Variants in CRACDL observed in about 807,000 individuals in gnomAD.
The protein encoded by CRACDL is CRACD-like protein.
In CRACDL, 26 loss-of-function variants were observed where a neutral mutation model predicts 70.6. The observed-to-expected ratio is 0.37, with a 90% CI of 0.27 to 0.51. The LOEUF is 0.51. Among genes scored for constraint, CRACDL ranks in the 20% least tolerant of loss-of-function variants. The pLI is 0.94. For synonymous variants in CRACDL, 618 were observed against 615.2 expected (o/e 1.00, Z -0.07); for missense variants, 1,283 against 1,376.9 (o/e 0.93, Z 1.08).
chr2:98,795,149 C>A (rs1703764873), intron 9 of CRACDL, among the ~76,000 whole-genome samples: 1 of 142,050 alleles, frequency 7.0e-6, no homozygotes, highest in African/African-American at 2.6e-5. Flanking sequence ...AATCTCAGCT[C>A]CCTGCAATCT....
intron 1 of CRACDL, among the ~76,000 whole-genome samples, chr2:98,900,323 G>T (rs1375672197): frequency 6.9e-6 from 1 of 144,316 alleles, no homozygotes; most frequent in Admixed American, 6.9e-5. Flanking sequence ...GGAGGCAGGG[G>T]GACAAAGGCT....
chr2:98,900,045 T>C (rs1278089224), intron 1 of CRACDL, among the ~76,000 whole-genome samples: 1 of 47,446 alleles, frequency 2.1e-5, no homozygotes, highest in East Asian at 7.2e-4. Flanking sequence ...GGGAGGCAGA[T>C]GGACAGAGGC....
At chr2:98,900,274 A>C (rs1708242008) in intron 1 of CRACDL, among the ~76,000 whole-genome samples, 1 of 65,836 alleles carries the variant, frequency 1.5e-5, no homozygotes, top group Admixed American at 2.5e-4. Context: ...ACAGAGGCTC[A>C]GTGGGAGGGG....
chr2:98,826,343 G>A (rs1385130055), intron 6 of CRACDL, among the ~76,000 whole-genome samples: 1 of 152,192 alleles, frequency 6.6e-6, no homozygotes, highest in Admixed American at 6.5e-5. Flanking sequence ...TCATTTGTTT[G>A]TTCAGTGGTT....
chr2:98,796,536 T>C (rs1486946874), intron 8 of CRACDL, among the ~76,000 whole-genome samples: 1 of 152,238 alleles, frequency 6.6e-6, no homozygotes, highest in East Asian at 1.9e-4. Context: ...GGGATTCCAT[T>C]TGAAAGTCAA....
rs188241029 is a variant in CRACDL at position 98,912,359 on chromosome 2, C to T, written c.-11+23579G>A. Among the ~76,000 whole-genome samples the T allele has an allele frequency of 2.5e-3, 380 of 152,334 alleles. 3 individuals are homozygous for T. The highest frequency in any genetic ancestry group is 8.5e-3 in the African/African-American group (352 of 41,566). On this transcript the variant is annotated intron_variant, in intron 1 of 9. Coordinates refer to ENST00000397899, the MANE Select transcript of CRACDL (RefSeq NM_207362.3). ...GGTGAAGGCACTGAGCCAGCCGTCT[C>T]TGCTAGACTGTGAGCAGTGAGCTCG...
chr2:98,795,036 T>A (rs1703739561), intron 9 of CRACDL, among the ~76,000 whole-genome samples: 1 of 30,822 alleles, frequency 3.2e-5, no homozygotes, highest in African/African-American at 1.4e-4. Flanking sequence ...TTACCATAAT[T>A]AAAAATATAT....
chr2:98,889,344 G>A (rs557822158), intron 1 of CRACDL, among the ~76,000 whole-genome samples: 12 of 129,122 alleles, frequency 9.3e-5, no homozygotes, highest in African/African-American at 2.9e-4. Context: ...AGAAAGAAAG[G>A]AAACAGTAAC....
At chr2:98,846,875 G>GCA in intron 1 of CRACDL, 65 bp from the exon 2 acceptor site, 2 of 1,349,098 alleles carry the variant, frequency 1.5e-6, no homozygotes, top group Non-Finnish European at 2.1e-6. Context: ...TGAGTGAAAT[G>GCA]GTGTTCGTGA....
intron 7 of CRACDL, among the ~76,000 whole-genome samples, chr2:98,808,492 G>A (rs922700618): frequency 4.6e-5 from 7 of 152,076 alleles, no homozygotes; most frequent in African/African-American, 1.7e-4. Context: ...CCCCTTTCTG[G>A]GGACAACAGT....
chr2:98,806,246 T>A (rs960535085), intron 7 of CRACDL, among the ~76,000 whole-genome samples: 17 of 152,244 alleles, frequency 1.1e-4, no homozygotes, highest in African/African-American at 3.9e-4. Flanking sequence ...GCTTTGGGGA[T>A]CTATTGCTCA....
chr2:98,869,183 G>A, intron 1 of CRACDL: 1 of 1,304,198 alleles, frequency 7.7e-7, no homozygotes, highest in Non-Finnish European at 1.0e-6. Flanking sequence ...GGAGAAGAGT[G>A]GGCCTCCCTT....
In CRACDL at chr2:98,850,443, G is replaced by A. The variant is rs531928008; in HGVS notation, c.-10-3633C>T. ...TCAAGGAAACGCCAGATGTAAAACC[G>A]TAATTAGAAAGGCAATGTGGCAAAT... On this transcript the variant is annotated intron_variant, in intron 1 of 9. Transcript: ENST00000397899. Among the ~76,000 whole-genome samples, 12 of 152,318 alleles carry A rather than the reference G, an allele frequency of 7.9e-5. No individual in the cohort carries two copies. The South Asian group carries it at 2.1e-3, about 26-fold the overall frequency.
intron 1 of CRACDL, among the ~76,000 whole-genome samples, chr2:98,914,574 T>C (rs1708624006): frequency 6.6e-6 from 1 of 152,176 alleles, no homozygotes; most frequent in Non-Finnish European, 1.5e-5. Flanking sequence ...AAGGGAGACT[T>C]TTTTAAAGAC....
intron 3 of CRACDL, among the ~76,000 whole-genome samples, chr2:98,835,261 A>T (rs906000250): frequency 1.2e-4 from 18 of 152,228 alleles, no homozygotes; most frequent in African/African-American, 4.3e-4. Context: ...ATCCACTGGA[A>T]AGGTTTAGAA....
intron 6 of CRACDL, among the ~76,000 whole-genome samples, chr2:98,825,418 TA>T (rs557262693): frequency 8.5e-4 from 129 of 152,254 alleles, no homozygotes; most frequent in Non-Finnish European, 1.5e-3. Context: ...AGTTCAAATG[TA>T]AAGAAAGAAG....
At chr2:98,837,701 A>G (rs1279723319) in intron 3 of CRACDL, among the ~76,000 whole-genome samples, 1 of 151,072 alleles carries the variant, frequency 6.6e-6, no homozygotes, top group East Asian at 1.9e-4. Flanking sequence ...CCCCACCCCC[A>G]TCAAGTGAAA....
intron 7 of CRACDL, among the ~76,000 whole-genome samples, chr2:98,803,390 T>C (rs1037424799): frequency 6.6e-6 from 1 of 152,066 alleles, no homozygotes; most frequent in Non-Finnish European, 1.5e-5. Context: ...TTCTCACCTC[T>C]GCCTCCCAAA....
At chr2:98,846,375 G>A (rs1706252616) in intron 2 of CRACDL, among the ~76,000 whole-genome samples, 2 of 152,128 alleles carry the variant, frequency 1.3e-5, no homozygotes, top group South Asian at 4.1e-4. Flanking sequence ...ACTTTGCTCA[G>A]CTTCCTACTG....
Sources: gnomAD v4.1 joint callset for allele counts (sites outside exome capture counted in the v4.1 genomes callset) on GRCh38, gnomAD v4.1.1 for gene constraint, MANE v1.5 for transcripts, NCBI Gene and HGNC (gene_info 2026-07-23, HGNC 2026-07-21) for gene names.